The following PPP1R12B variants were observed in gnomAD, a reference collection of about 807,000 sequenced individuals.
PPP1R12B encodes protein phosphatase 1 regulatory subunit 12B.
PPP1R12B carries 76 observed loss-of-function variants against 126.1 expected under a neutral mutation model. That is an observed-to-expected ratio of 0.60 (90% CI 0.50 to 0.73). The LOEUF is 0.73. Among genes scored for constraint, PPP1R12B ranks in the 30% least tolerant of loss-of-function variants. The probability of loss-of-function intolerance (pLI) is 0.00; values close to 1 mark genes in which losing one functional copy is unlikely to be tolerated. For synonymous variants in PPP1R12B, 356 were observed against 434.7 expected (o/e 0.82, Z 2.25); for missense variants, 1,052 against 1,205.1 (o/e 0.87, Z 1.88).
intron 13 of PPP1R12B, among the ~76,000 whole-genome samples, chr1:202,459,782 G>T (rs1247434926): frequency 2.6e-5 from 4 of 152,154 alleles, no homozygotes; most frequent in African/African-American, 9.7e-5. Context: ...CAGAATAAAG[G>T]TTTTGACTCA....
At chr1:202,359,731 G>A (rs977416699) in intron 1 of PPP1R12B, among the ~76,000 whole-genome samples, 2 of 152,146 alleles carry the variant, frequency 1.3e-5, no homozygotes, top group African/African-American at 4.8e-5. Flanking sequence ...TTGAATCCGG[G>A]AGGCGGAGCT....
chr1:202,482,131 C>A (rs959215327), intron 13 of PPP1R12B, among the ~76,000 whole-genome samples: 1 of 151,704 alleles, frequency 6.6e-6, no homozygotes, highest in Non-Finnish European at 1.5e-5. Context: ...TTTTCTTTAC[C>A]CATTCTTCCA....
intron 13 of PPP1R12B, among the ~76,000 whole-genome samples, chr1:202,474,666 T>C (rs1334913750): frequency 1.3e-5 from 2 of 152,172 alleles, no homozygotes; most frequent in Non-Finnish European, 2.9e-5. Flanking sequence ...CTTGATAATA[T>C]TGTCTTTTAA....
At position 202,573,866 on chromosome 1, in the gene PPP1R12B, C is replaced by G. The variant is rs1209550136; in HGVS notation, c.2862+4669C>G. ...TTATGGTTTCTCCAGCTTTTTTGCA[C>G]AGCTATAATTTCCAGAGTATGAGTC... On this transcript the variant is annotated intron_variant, in intron 23 of 23. Transcript: ENST00000608999. 3.3e-5 allele frequency among the ~76,000 whole-genome samples: 5 copies of G among 152,138 alleles called. No homozygotes were observed. The East Asian group carries it at 9.6e-4, about 29-fold the overall frequency.
intron 2 of PPP1R12B, among the ~76,000 whole-genome samples, chr1:202,421,116 C>T (rs575805768): frequency 4.7e-4 from 71 of 151,694 alleles, no homozygotes; most frequent in Admixed American, 2.0e-3. Flanking sequence ...CCACCATGCC[C>T]GGCTAAGTTT....
rs1427183403 is a variant in PPP1R12B at position 202,513,912 on chromosome 1, G to C, written c.2490+17090G>C. Among the ~76,000 whole-genome samples the C allele has an allele frequency of 7.9e-5, 12 of 152,200 alleles. 1 individual carries two copies. The highest frequency in any genetic ancestry group is 1.3e-4 in the Non-Finnish European group (9 of 68,038). ...CTATGAAAGAGATCAACAGGGAAATGATCAGAGAAGAAGGAAAAGAGCCTG... is the reference window on the plus strand; with the variant it reads ...CTATGAAAGAGATCAACAGGGAAATCATCAGAGAAGAAGGAAAAGAGCCTG... On this transcript the variant is annotated intron_variant, in intron 18 of 23. Coordinates refer to ENST00000608999, the MANE Select transcript of PPP1R12B (RefSeq NM_002481.4).
intron 1 of PPP1R12B, among the ~76,000 whole-genome samples, chr1:202,361,297 A>G (rs966325976): frequency 1.3e-5 from 2 of 152,234 alleles, no homozygotes; most frequent in Non-Finnish European, 2.9e-5. Context: ...TAATTGGCTC[A>G]CAGTACTGCA....
chr1:202,495,446 A>G lies in PPP1R12B; in HGVS notation c.2299A>G (p.Thr767Ala), dbSNP rs762889428. ...VPDSESSETT[T>A]NTTTAKEMDK... Reference sequence around the variant, plus strand: ...TGATTCTGAGAGTTCAGAGACTACCACAAACACTACAACTGCAAAGGAAAT... The same window carrying G: ...TGATTCTGAGAGTTCAGAGACTACCGCAAACACTACAACTGCAAAGGAAAT... Residue 767 changes from threonine (T) to alanine (A), a missense_variant, in exon 16 of 24, where the codon ACA (threonine) becomes GCA (alanine). Thr to Ala is a moderately conservative substitution (Grantham distance 58, BLOSUM62 0). Transcript: ENST00000608999. 3 of 1,608,690 alleles carry G rather than the reference A, an allele frequency of 1.9e-6. No homozygotes were observed. The East Asian group carries it at 6.7e-5, about 36-fold the overall frequency.
At chr1:202,396,159 TAAC>T (rs1440131203) in intron 1 of PPP1R12B, among the ~76,000 whole-genome samples, 4 of 152,188 alleles carry the variant, frequency 2.6e-5, no homozygotes, top group Non-Finnish European at 5.9e-5. Flanking sequence ...AAAACCCTTT[TAAC>T]AAGTGCTTTA....
At chr1:202,421,031 C>T (rs189020804) in intron 2 of PPP1R12B, among the ~76,000 whole-genome samples, 1,403 of 134,880 alleles carry the variant, frequency 0.01, 14 homozygotes, top group Non-Finnish European at 0.014. Flanking sequence ...TGTTGGCTCA[C>T]TGCAACCTCC....
chr1:202,506,362 C>T (rs111235109), intron 18 of PPP1R12B, among the ~76,000 whole-genome samples: 1 of 152,190 alleles, frequency 6.6e-6, no homozygotes, highest in Non-Finnish European at 1.5e-5. Context: ...TTGGCATCTT[C>T]CTTTTATGGA....
intron 18 of PPP1R12B, chr1:202,540,368 A>G: frequency 4.4e-6 from 3 of 678,790 alleles, no homozygotes; most frequent in South Asian, 4.3e-5. Context: ...CAGTACAGGG[A>G]AAAAAAATTG....
chr1:202,416,324 C>T (rs74567394), intron 1 of PPP1R12B, among the ~76,000 whole-genome samples: 4 of 151,996 alleles, frequency 2.6e-5, no homozygotes, highest in Non-Finnish European at 5.9e-5. Flanking sequence ...GTCGGGAGTT[C>T]GAGACAAGCC....
intron 13 of PPP1R12B, among the ~76,000 whole-genome samples, chr1:202,449,876 C>T (rs575652297): frequency 3.3e-5 from 5 of 151,666 alleles, no homozygotes; most frequent in Admixed American, 6.6e-5. Flanking sequence ...TTAGTAGAGA[C>T]GGGGTTTCAC....
At chr1:202,478,001 G>C (rs1201269781) in intron 13 of PPP1R12B, among the ~76,000 whole-genome samples, 3 of 152,146 alleles carry the variant, frequency 2.0e-5, no homozygotes, top group Non-Finnish European at 4.4e-5. Context: ...AGAAGCCATG[G>C]CTTCCATTAT....
At chr1:202,379,936 G>T (rs1292817596) in intron 1 of PPP1R12B, among the ~76,000 whole-genome samples, 5 of 152,134 alleles carry the variant, frequency 3.3e-5, no homozygotes, top group African/African-American at 1.2e-4. Flanking sequence ...TTTTTACCAG[G>T]TATCCCAGAG....
intron 12 of PPP1R12B, among the ~76,000 whole-genome samples, chr1:202,446,671 G>T (rs140328725): frequency 1.3e-4 from 19 of 151,282 alleles, no homozygotes; most frequent in African/African-American, 4.4e-4. Context: ...GCTGCCATTT[G>T]TTGGACCCCA....
chr1:202,535,391 A>G (rs1397725868), intron 18 of PPP1R12B, among the ~76,000 whole-genome samples: 1 of 151,694 alleles, frequency 6.6e-6, no homozygotes, highest in Non-Finnish European at 1.5e-5. Flanking sequence ...AAATTACTCA[A>G]CTGGTTCATT....
In PPP1R12B at chr1:202,425,819, G is replaced by A. The variant is rs577209111; in HGVS notation, c.701+94G>A. ...GCTGAATTAGATTTTCCGCTATGAC[G>A]TGTTTCCTTTTTTGTTGGTTTCCTC... is the stretch of plus-strand genomic sequence containing the variant. On this transcript the variant is annotated intron_variant, in intron 4 of 23. Transcript: ENST00000608999. The A allele has an allele frequency of 1.0e-4, 126 of 1,256,850 alleles. 1 individual carries two copies. The highest frequency in any genetic ancestry group is 4.0e-4 in the South Asian group (28 of 69,284). 77.9% of individuals were successfully genotyped at this position (1,256,850 alleles called of 1,614,324 possible). A position where few individuals can be genotyped will look rare whatever the true frequency, so the allele number is the denominator to read the frequency against.
Sources: gnomAD v4.1 joint callset for allele counts (sites outside exome capture counted in the v4.1 genomes callset) on GRCh38, gnomAD v4.1.1 for gene constraint, MANE v1.5 for transcripts, NCBI Gene and HGNC (gene_info 2026-07-23, HGNC 2026-07-21) for gene names.